The following MARCHF8 variants were observed in gnomAD, a reference collection of about 807,000 sequenced individuals.
MARCHF8 encodes the protein E3 ubiquitin-protein ligase MARCHF8.
MARCHF8 carries 40 observed loss-of-function variants against 51.6 expected under a neutral mutation model. The observed-to-expected ratio is 0.77, with a 90% CI of 0.60 to 1.01. The LOEUF is 1.01. Ranked by LOEUF, MARCHF8 falls within the 50% of genes least tolerant of loss-of-function variation. MARCHF8 has a pLI of 0.00. For missense variants in MARCHF8, 685 were observed against 708.6 expected (o/e 0.97, Z 0.38); for synonymous variants, 263 against 280.3 (o/e 0.94, Z 0.62).
At chr10:45,566,259 G>A (rs1198131833) in intron 1 of MARCHF8, among the ~76,000 whole-genome samples, 4 of 152,138 alleles carry the variant, frequency 2.6e-5, no homozygotes, top group South Asian at 2.1e-4. Flanking sequence ...ACCCTAAAGC[G>A]TTTATCCTCT....
rs1265363158 is a variant in MARCHF8, at chr10:45,456,700, G to A, written c.*1539C>T. The A allele has an allele frequency of 6.6e-6, 1 of 152,214 alleles. No homozygotes were observed. The highest frequency in any genetic ancestry group is 6.5e-5 in the Admixed American group (1 of 15,276). 9.4% of individuals were successfully genotyped at this position (152,214 alleles called of 1,614,324 possible). On this transcript the variant is annotated 3_prime_UTR_variant, in exon 8 of 8. Coordinates refer to ENST00000453424, the MANE Select transcript of MARCHF8 (RefSeq NM_001282866.2). Reference sequence around the variant, plus strand: ...AATGGCCTGGAAAGGAAGCATCTGCGCTACATTGTGCTTCAGGCCCCCCCA... The same window carrying A: ...AATGGCCTGGAAAGGAAGCATCTGCACTACATTGTGCTTCAGGCCCCCCCA...
chr10:45,510,098 C>T (rs1394990039), intron 2 of MARCHF8, among the ~76,000 whole-genome samples: 1 of 151,992 alleles, frequency 6.6e-6, no homozygotes, highest in African/African-American at 2.4e-5. Context: ...ATTCTAACAT[C>T]GGGAGGTTGG....
At chr10:45,526,704 C>T (rs34563674) in intron 2 of MARCHF8, among the ~76,000 whole-genome samples, 46,897 of 151,134 alleles carry the variant, frequency 0.31, 7,454 homozygotes, top group Admixed American at 0.36. Context: ...ACTAGACAGA[C>T]CACTGAGACA....
intron 2 of MARCHF8, among the ~76,000 whole-genome samples, chr10:45,511,964 A>G (rs2043519239): frequency 6.7e-6 from 1 of 150,158 alleles, no homozygotes; most frequent in Non-Finnish European, 1.5e-5. Context: ...GGAAGTGAGG[A>G]GCGTCTCTGC....
intron 1 of MARCHF8, among the ~76,000 whole-genome samples, chr10:45,559,262 T>C (rs1201472189): frequency 6.6e-6 from 1 of 152,220 alleles, no homozygotes; most frequent in Non-Finnish European, 1.5e-5. Flanking sequence ...TAGATGATAG[T>C]TAAGTTTCTA....
chr10:45,574,967 GCAAA>G (rs2044472835), intron 1 of MARCHF8, among the ~76,000 whole-genome samples: 1 of 123,990 alleles, frequency 8.1e-6, no homozygotes, highest in African/African-American at 3.5e-5. Flanking sequence ...TGTTATATAG[GCAAA>G]AAAAAAAAAA....
intron 1 of MARCHF8, among the ~76,000 whole-genome samples, chr10:45,555,045 C>G (rs2044236244): frequency 6.6e-6 from 1 of 150,424 alleles, no homozygotes; most frequent in South Asian, 2.1e-4. Context: ...CAGAGTGAGA[C>G]TCTGTCTCCA....
At chr10:45,501,306 T>C (rs1025559323) in intron 2 of MARCHF8, among the ~76,000 whole-genome samples, 1 of 152,132 alleles carries the variant, frequency 6.6e-6, no homozygotes, top group Non-Finnish European at 1.5e-5. Flanking sequence ...TAATCACTAC[T>C]GTGTGGTACT....
intron 1 of MARCHF8, 143 bp from the exon 2 acceptor site, chr10:45,533,432 T>A: frequency 2.3e-6 from 1 of 427,558 alleles, no homozygotes; most frequent in Non-Finnish European, 3.7e-6. Context: ...TCAAAAACAA[T>A]AGAAGATGAA....
chr10:45,464,875 G>A (rs979238310), intron 3 of MARCHF8, among the ~76,000 whole-genome samples: 1 of 152,184 alleles, frequency 6.6e-6, no homozygotes, highest in Non-Finnish European at 1.5e-5. Context: ...CACCATGGGG[G>A]ACACCAATCC....
At chr10:45,546,169 T>TATTTATTC (rs1160356875) in intron 1 of MARCHF8, among the ~76,000 whole-genome samples, 1 of 151,714 alleles carries the variant, frequency 6.6e-6, no homozygotes, top group African/African-American at 2.4e-5. Context: ...TTTATTTATT[T>TATTTATTC]ATTTATTTTG....
intron 2 of MARCHF8, among the ~76,000 whole-genome samples, chr10:45,503,309 G>A (rs565412076): frequency 1.2e-4 from 19 of 152,138 alleles, no homozygotes; most frequent in Non-Finnish European, 2.5e-4. Context: ...AGGCTGAGGC[G>A]GGCAGATCAC....
rs1842636643 is a variant in MARCHF8, at chr10:45,457,416, T to C, written c.*823A>G. 6.6e-6 allele frequency: 1 copy of C among 152,284 alleles called. No homozygotes were observed. Among genetic ancestry groups the C allele is most frequent in the Non-Finnish European group, 1.5e-5 (1 of 68,014 alleles). The allele number at this position is 152,284 out of a possible 1,614,324, so 9.4% of individuals were successfully genotyped here. ...GCCATTTAGCATCCACTAATTCCCATGAGATCTGTGATTAAAAAAAAAGCC... is the reference window on the plus strand; with the variant it reads ...GCCATTTAGCATCCACTAATTCCCACGAGATCTGTGATTAAAAAAAAAGCC... On this transcript the variant is annotated 3_prime_UTR_variant, in exon 8 of 8. Coordinates refer to ENST00000453424, the MANE Select transcript of MARCHF8 (RefSeq NM_001282866.2).
rs566003870 is a variant in MARCHF8 at position 45,529,208 on chromosome 10, G to C, written c.102+3902C>G. 2.6e-5 allele frequency among the ~76,000 whole-genome samples: 4 copies of C among 152,266 alleles called. No individual in the cohort carries two copies. The South Asian group carries it at 8.3e-4, about 32-fold the overall frequency. Reference sequence around the variant, plus strand: ...AAGTCAACAAAAACATACACTAGTGGAAGAACACCCTATTCTATACATGAT... The same window carrying C: ...AAGTCAACAAAAACATACACTAGTGCAAGAACACCCTATTCTATACATGAT... On this transcript the variant is annotated intron_variant, in intron 2 of 7. Coordinates refer to ENST00000453424, the MANE Select transcript of MARCHF8 (RefSeq NM_001282866.2).
intron 2 of MARCHF8, among the ~76,000 whole-genome samples, chr10:45,520,237 T>C (rs538297403): frequency 2.2e-4 from 33 of 152,330 alleles, no homozygotes; most frequent in Non-Finnish European, 3.8e-4. Context: ...GTAAATGATA[T>C]GTAAGTGTTA....
intron 2 of MARCHF8, among the ~76,000 whole-genome samples, chr10:45,513,614 T>G (rs1006060613): frequency 2.6e-5 from 4 of 152,172 alleles, no homozygotes; most frequent in Admixed American, 2.6e-4. Flanking sequence ...CTGGCTCTTT[T>G]CATCTTTGCT....
intron 1 of MARCHF8, among the ~76,000 whole-genome samples, chr10:45,585,271 T>C (rs34163035): frequency 0.062 from 9,395 of 152,038 alleles, 334 homozygotes; most frequent in Non-Finnish European, 0.067. Context: ...CCCAAGAGCA[T>C]AAAAAGACAT....
rs527898110 is a variant in MARCHF8, at chr10:45,475,864, C to G, written c.154-11537G>C. 2.5e-3 allele frequency among the ~76,000 whole-genome samples: 386 copies of G among 152,292 alleles called. 1 individual carries two copies. The highest frequency in any genetic ancestry group is 8.8e-3 in the African/African-American group (367 of 41,552). On this transcript the variant is annotated intron_variant, in intron 3 of 7. Transcript: ENST00000453424. ...ACCCCACTACTGCCACCACTGGGAC[C>G]AAGGACAGGCCAACCTGGTATCCCT...
intron 2 of MARCHF8, among the ~76,000 whole-genome samples, chr10:45,492,329 G>C (rs1027153676): frequency 6.8e-6 from 1 of 146,342 alleles, no homozygotes; most frequent in Non-Finnish European, 1.5e-5. Context: ...ACGTAGTCTC[G>C]CTCTGTCGCC....
Sources: allele counts gnomAD v4.1 joint callset (sites outside exome capture counted in the v4.1 genomes callset), GRCh38; gene constraint gnomAD v4.1.1; transcripts MANE v1.5; gene names NCBI Gene and HGNC (gene_info 2026-07-23, HGNC 2026-07-21).